Variants in ADAMTSL1 observed in about 807,000 individuals in gnomAD.
The protein encoded by ADAMTSL1 is ADAMTS like 1.
A neutral mutation model predicts 201.8 loss-of-function variants in ADAMTSL1; 126 were observed. The ratio of observed to expected loss-of-function variants is 0.62; its 90% CI spans 0.54 to 0.72. The LOEUF (loss-of-function observed/expected upper bound fraction) is 0.72. Among genes scored for constraint, ADAMTSL1 ranks in the 30% least tolerant of loss-of-function variants. The pLI, the probability that ADAMTSL1 is intolerant of heterozygous loss-of-function variation, is 0.00. For synonymous variants in ADAMTSL1, 1,121 were observed against 903.4 expected (o/e 1.24, Z -4.32); for missense variants, 2,679 against 2,277.8 (o/e 1.18, Z -3.59).
intron 2 of ADAMTSL1, among the ~76,000 whole-genome samples, chr9:18,393,189 A>C (rs564366687): frequency 6.6e-6 from 1 of 152,248 alleles, no homozygotes; most frequent in South Asian, 2.1e-4. Context: ...TATCCTTTAT[A>C]CAAAATATAA....
rs1375827870 is a variant in ADAMTSL1, at chr9:18,908,713, C to A, written c.*165C>A. 5 of 583,912 alleles carry A rather than the reference C, an allele frequency of 8.6e-6. No homozygotes were observed. The highest frequency in any genetic ancestry group is 1.5e-5 in the Non-Finnish European group (5 of 330,852). The allele number at this position is 583,912 out of a possible 1,614,324, so 36.2% of individuals were successfully genotyped here. ...CTCCACCTTCAAGCATAAGGACGTC[C>A]GCGTGTTTTCTCTTTCAGTTAGCTG... On this transcript the variant is annotated 3_prime_UTR_variant, in exon 29 of 29. Transcript: ENST00000380548.
intron 4 of ADAMTSL1, among the ~76,000 whole-genome samples, chr9:18,603,844 A>G (rs1290980655): frequency 1.3e-5 from 2 of 152,194 alleles, no homozygotes; most frequent in Non-Finnish European, 2.9e-5. Context: ...ATTAACCAAT[A>G]ACTCCCTGTT....
chr9:18,708,354 A>G lies in ADAMTSL1; in HGVS notation c.1876+1306A>G, dbSNP rs191193478. On this transcript the variant is annotated intron_variant, in intron 14 of 28. Transcript: ENST00000380548. ...GTTCTTGTTTGTTTCCACATCTTCCAGTTTCAAACCCTGGAATTCTGAAGT... is the reference window on the plus strand; with the variant it reads ...GTTCTTGTTTGTTTCCACATCTTCCGGTTTCAAACCCTGGAATTCTGAAGT... Among the ~76,000 whole-genome samples the G allele has an allele frequency of 3.3e-4, 51 of 152,302 alleles. 1 individual carries two copies. In the East Asian group the frequency reaches 9.7e-3, roughly 29 times the overall value.
intron 2 of ADAMTSL1, among the ~76,000 whole-genome samples, chr9:18,462,146 G>C (rs1220781715): frequency 6.6e-6 from 1 of 152,098 alleles, no homozygotes; most frequent in Admixed American, 6.5e-5. Context: ...AAGTCTCAAC[G>C]TGTGCTTAAG....
chr9:18,665,455 C>T (rs10963714), intron 9 of ADAMTSL1, among the ~76,000 whole-genome samples: 17,887 of 151,996 alleles, frequency 0.12, 1,219 homozygotes, highest in East Asian at 0.29. Flanking sequence ...ACAGTCCCTT[C>T]CAACTTCAAA....
chr9:18,512,775 A>G (rs1029595973), intron 2 of ADAMTSL1, among the ~76,000 whole-genome samples: 22 of 152,206 alleles, frequency 1.4e-4, no homozygotes, highest in Non-Finnish European at 2.9e-4. Flanking sequence ...ATCATTTTAT[A>G]TATTAATGCT....
intron 19 of ADAMTSL1, among the ~76,000 whole-genome samples, chr9:18,785,162 T>TA (rs36065274): frequency 0.36 from 52,321 of 146,920 alleles, 9,207 homozygotes; most frequent in East Asian, 0.54. Flanking sequence ...AGACTCCGTC[T>TA]AAAAAAAAAA....
intron 3 of ADAMTSL1, among the ~76,000 whole-genome samples, chr9:18,550,069 G>T (rs1458636670): frequency 6.6e-6 from 1 of 151,890 alleles, no homozygotes; most frequent in Non-Finnish European, 1.5e-5. Flanking sequence ...TTATGAGAAA[G>T]AAATAAATAT....
chr9:18,143,504 T>TG (rs1487305757), intron 1 of ADAMTSL1, among the ~76,000 whole-genome samples: 1 of 12,820 alleles, frequency 7.8e-5, no homozygotes, highest in Non-Finnish European at 6.4e-4. Context: ...TGCTTTTGTG[T>TG]TTTTTTTAAA....
chr9:18,311,909 A>C (rs538584447), intron 2 of ADAMTSL1, among the ~76,000 whole-genome samples: 28 of 152,336 alleles, frequency 1.8e-4, no homozygotes, highest in Non-Finnish European at 4.1e-4. Flanking sequence ...GCAAGGAAAA[A>C]AAAATGTATC....
At chr9:18,541,433 C>G (rs1820137916) in intron 3 of ADAMTSL1, among the ~76,000 whole-genome samples, 1 of 151,814 alleles carries the variant, frequency 6.6e-6, no homozygotes, top group Non-Finnish European at 1.5e-5. Flanking sequence ...TCGCGTGAAA[C>G]CAGGAGGTGG....
chr9:18,462,674 C>T lies in ADAMTSL1; in HGVS notation c.208-42155C>T, dbSNP rs141172088. ...GAAAAAGGGGCCGGGCATGGTGGCTCACACCTAGAATCCTAGCACTTTGAG... is the reference window on the plus strand; with the variant it reads ...GAAAAAGGGGCCGGGCATGGTGGCTTACACCTAGAATCCTAGCACTTTGAG... On this transcript the variant is annotated intron_variant, in intron 2 of 29. Coordinates refer to the ADAMTSL1 transcript ENST00000680146. Among the ~76,000 whole-genome samples, 1,275 of 152,210 alleles carry T rather than the reference C, an allele frequency of 8.4e-3. 8 individuals are homozygous for T. The highest frequency in any genetic ancestry group is 0.019 in the African/African-American group (778 of 41,534).
intron 2 of ADAMTSL1, among the ~76,000 whole-genome samples, chr9:18,219,372 T>C (rs1015405407): frequency 6.6e-6 from 1 of 150,910 alleles, no homozygotes; most frequent in African/African-American, 2.4e-5. Context: ...TATTTATTTA[T>C]TTATTTATTT....
chr9:17,957,081 A>G (rs1827961153), intron 1 of ADAMTSL1, among the ~76,000 whole-genome samples: 1 of 152,196 alleles, frequency 6.6e-6, no homozygotes. Context: ...GGAATTAGAA[A>G]CGCTCCGGTA....
intron 1 of ADAMTSL1, among the ~76,000 whole-genome samples, chr9:17,950,129 A>C (rs940736212): frequency 6.6e-6 from 1 of 151,662 alleles, no homozygotes; most frequent in Non-Finnish European, 1.5e-5. Flanking sequence ...CATGTCTCGA[A>C]CTCCTGGACT....
At chr9:18,315,001 T>C (rs1834319017) in intron 2 of ADAMTSL1, among the ~76,000 whole-genome samples, 1 of 149,988 alleles carries the variant, frequency 6.7e-6, no homozygotes, top group African/African-American at 2.4e-5. Context: ...TTTCACCGTG[T>C]TAGCCAGGAT....
chr9:18,649,423 G>T, intron 7 of ADAMTSL1, among the ~76,000 whole-genome samples: 1 of 152,182 alleles, frequency 6.6e-6, no homozygotes. Context: ...TTGTTCCGTT[G>T]CTGGTGAGGA....
chr9:18,211,237 C>T (rs1223611498), intron 2 of ADAMTSL1, among the ~76,000 whole-genome samples: 1 of 152,106 alleles, frequency 6.6e-6, no homozygotes, highest in Non-Finnish European at 1.5e-5. Context: ...AACTCCATGG[C>T]TCTTTTTGTT....
chr9:18,215,521 A>T (rs1333778699), intron 2 of ADAMTSL1, among the ~76,000 whole-genome samples: 1 of 152,226 alleles, frequency 6.6e-6, no homozygotes, highest in African/African-American at 2.4e-5. Flanking sequence ...AGTAATAATG[A>T]ATATCAGTCA....
Sources: allele counts gnomAD v4.1 joint callset (sites outside exome capture counted in the v4.1 genomes callset), GRCh38; gene constraint gnomAD v4.1.1; transcripts MANE v1.5; gene names NCBI Gene and HGNC (gene_info 2026-07-23, HGNC 2026-07-21).